Variants in USP6 observed in about 807,000 individuals in gnomAD.
USP6 encodes ubiquitin specific peptidase 6, also known as ubiquitin carboxyl-terminal hydrolase 6.
Under a neutral mutation model 175.7 loss-of-function variants are expected in USP6, and 128 were observed. The observed-to-expected ratio is 0.73, with a 90% CI of 0.63 to 0.84. USP6 has a LOEUF of 0.84. USP6 is among the 40% of genes least tolerant of loss of function. The probability of loss-of-function intolerance (pLI) is 0.00; values close to 1 mark genes in which losing one functional copy is unlikely to be tolerated. For synonymous variants in USP6, 562 were observed against 630.6 expected, an observed-to-expected ratio of 0.89 and a Z score of 1.63; for missense variants, 1,498 against 1,760.3, an observed-to-expected ratio of 0.85 and a Z score of 2.67.
rs748820301 is a variant in USP6, at chr17:5,168,825, T to C, written c.3287T>C (p.Ile1096Thr). ...GATCAGTGGATAAAATCACAGAAAA[T>C]TGTCAGATTTCTTCGGGAAAGTTTT... is the stretch of plus-strand genomic sequence containing the variant. ...VNDQWIKSQK[I>T]VRFLRESFDP... The change falls in exon 35 of 38, where the codon ATT (isoleucine) becomes ACT (threonine). Residue 1096 changes from isoleucine (I) to threonine (T), a missense_variant. Ile to Thr is a moderately conservative substitution (Grantham distance 89). Coordinates refer to ENST00000574788, the MANE Select transcript of USP6 (RefSeq NM_001304284.2). 1 of 1,610,476 alleles carries C rather than the reference T, an allele frequency of 6.2e-7. No individual in the cohort carries two copies. The highest frequency in any genetic ancestry group is 8.5e-7 in the Non-Finnish European group (1 of 1,178,722).
rs1361410628 is a variant in USP6 at position 5,154,861 on chromosome 17, A to G, written c.2644-561A>G. On this transcript the variant is annotated intron_variant, in intron 30 of 37. Transcript: ENST00000574788. ...CAATCCTCCCACCTCAGCCTCCTGT[A>G]TAGGTGGGACTACAGACACATGCCA... 2.0e-5 allele frequency among the ~76,000 whole-genome samples: 3 copies of G among 152,162 alleles called. No homozygotes were observed. The East Asian group carries it at 5.8e-4, about 29-fold the overall frequency.
rs770676210 is a variant in USP6 at position 5,132,224 on chromosome 17, C to T, written c.156-172C>T. 2 of 1,573,098 alleles carry T rather than the reference C, an allele frequency of 1.3e-6. No homozygotes were observed. The highest frequency in any genetic ancestry group is 4.6e-5 in the East Asian group (2 of 43,390). On this transcript the variant is annotated intron_variant, in intron 11 of 37. Coordinates refer to ENST00000574788, the MANE Select transcript of USP6 (RefSeq NM_001304284.2). The surrounding 1 kb of genome is among the most constrained non-coding windows in gnomAD (Gnocchi z 4.7). Reference sequence around the variant, plus strand: ...CCTTCTTCTCCCAGGTCCTGCCCCTCCTGGGAGTCAGAGCCACAGGAAGGC... The same window carrying T: ...CCTTCTTCTCCCAGGTCCTGCCCCTTCTGGGAGTCAGAGCCACAGGAAGGC...
At chr17:5,123,489 C>G (rs2072776484) in intron 4 of USP6, among the ~76,000 whole-genome samples, 2 of 152,140 alleles carry the variant, frequency 1.3e-5, no homozygotes, top group African/African-American at 2.4e-5. Context: ...CACCCGGCAG[C>G]AAACACGCAG....
At chr17:5,158,647 GAGAGAGAGAGAGAGAGAGAGAGAGAT>G in intron 31 of USP6, among the ~76,000 whole-genome samples, 2 of 147,760 alleles carry the variant, frequency 1.4e-5, no homozygotes, top group Non-Finnish European at 3.0e-5. Context: ...GAGAGAGAGA[GAGAGAGAGAGAGAGAGAGAGAGAGAT>G]TGAGAAGAAG....
rs2144204774 is a variant in USP6, at chr17:5,172,814, C to A, written c.4057C>A (p.Pro1353Thr). The change falls in exon 38 of 38, where the codon CCT (proline) becomes ACT (threonine). Residue 1353 changes from proline to threonine, a missense_variant. Transcript: ENST00000574788. ...YNDSSCEELH[P>T]DEIDTDSAYI... ...TTTCTTGCCCTTTCAGGAACTTCAC[C>A]CTGATGAAATTGACACCGACTCTGC... The A allele has an allele frequency of 1.9e-6, 3 of 1,613,288 alleles. No individual in the cohort carries two copies. In the East Asian group the frequency reaches 6.7e-5, roughly 36 times the overall value.
chr17:5,146,501 A>C (rs753769216), intron 28 of USP6, among the ~76,000 whole-genome samples: 27 of 152,156 alleles, frequency 1.8e-4, no homozygotes, highest in Non-Finnish European at 3.1e-4. Context: ...GTTACACTTC[A>C]CAGCTCTTCT....
At chr17:5,168,693 G>T in intron 34 of USP6, 74 bp from the exon 35 acceptor site, 1 of 1,472,368 alleles carries the variant, frequency 6.8e-7, no homozygotes, top group South Asian at 1.4e-5. Flanking sequence ...ACATGTATTT[G>T]ACTTGTTTTT....
At chr17:5,134,020 T>C in intron 15 of USP6, 24 bp downstream of exon 15, 1 of 1,607,758 alleles carries the variant, frequency 6.2e-7, no homozygotes, top group Admixed American at 1.7e-5. Flanking sequence ...AGCCACACAG[T>C]CCCAGCAGAG....
chr17:5,125,025 T>C lies in USP6; in HGVS notation c.-839T>C, dbSNP rs191677360. The stretch of plus-strand genomic sequence containing the variant: ...CAGCCAGCCAGTGAGCAAAGCTTCA[T>C]CTGTAGAAACAGCCACTTCCCATCC... On this transcript the variant is annotated 5_prime_UTR_variant, in exon 5 of 38. Transcript: ENST00000574788. 1.2e-3 allele frequency: 185 copies of C among 152,426 alleles called. 2 individuals are homozygous for C. The highest frequency in any genetic ancestry group is 1.7e-3 in the Non-Finnish European group (118 of 68,090). The allele number at this position is 152,426 out of a possible 1,614,324, so 9.4% of individuals were successfully genotyped here.
In USP6 at chr17:5,116,114, C is replaced by T. The variant is rs914194540; in HGVS notation, c.-2554C>T. On this transcript the variant is annotated 5_prime_UTR_variant, in exon 1 of 38. Transcript: ENST00000574788. ...GCCGCTGTGGGAGCTCGTCTCCAGGCGCCCATCAGTCTTCCCCTCACTCGA... is the reference window on the plus strand; with the variant it reads ...GCCGCTGTGGGAGCTCGTCTCCAGGTGCCCATCAGTCTTCCCCTCACTCGA... Among the ~76,000 whole-genome samples, 1 of 152,208 alleles carries T rather than the reference C, an allele frequency of 6.6e-6. No individual in the cohort carries two copies. Among genetic ancestry groups the T allele is most frequent in the Non-Finnish European group, 1.5e-5 (1 of 68,024 alleles).
chr17:5,145,358 C>T, intron 26 of USP6, 47 bp from the exon 27 acceptor site: 2 of 1,511,064 alleles, frequency 1.3e-6, no homozygotes, highest in South Asian at 1.4e-5. Flanking sequence ...ATAGAAATGC[C>T]TCTCTTTTGG....
At chr17:5,124,000 C>T (rs1418850227) in intron 4 of USP6, among the ~76,000 whole-genome samples, 1 of 152,194 alleles carries the variant, frequency 6.6e-6, no homozygotes, top group Non-Finnish European at 1.5e-5. Context: ...TAACAAGACG[C>T]ACAAACACGC....
Position 5,168,973 on chromosome 17 carries a change from G to C in USP6, c.3435G>C (p.Ala1145=). ...ILAREVKKVD[A]QSSAGKEDML... is the part of the protein sequence containing the mutation. Reference sequence around the variant, plus strand: ...CAAGAGAGGTGAAGAAAGTGGATGCGCAGAGTTCGGCTGGAAAAGAGGACA... The same window carrying C: ...CAAGAGAGGTGAAGAAAGTGGATGCCCAGAGTTCGGCTGGAAAAGAGGACA... Residue 1145 remains alanine, a synonymous_variant, in exon 35 of 38, where the codon GCG becomes GCC. Coordinates refer to ENST00000574788, the MANE Select transcript of USP6 (RefSeq NM_001304284.2). 1 of 1,613,968 alleles carries C rather than the reference G, an allele frequency of 6.2e-7. No individual in the cohort carries two copies. Among genetic ancestry groups the C allele is most frequent in the Non-Finnish European group, 8.5e-7 (1 of 1,179,860 alleles).
chr17:5,138,860 G>A (rs573357788), intron 21 of USP6: 6 of 641,082 alleles, frequency 9.4e-6, no homozygotes, highest in South Asian at 3.4e-5. Flanking sequence ...GGTGACCCAC[G>A]TCCGGGCCCA....
In USP6 at chr17:5,143,689, T is replaced by C. The variant is rs1276036870; in HGVS notation, c.1819-1001T>C. On this transcript the variant is annotated intron_variant, in intron 25 of 37. Transcript: ENST00000574788. Reference sequence around the variant, plus strand: ...CACTTGTTTATCTGCTGACCTTCCCTCCACTATTGTCCCATGACCCTGCCA... The same window carrying C: ...CACTTGTTTATCTGCTGACCTTCCCCCCACTATTGTCCCATGACCCTGCCA... Among the ~76,000 whole-genome samples the C allele has an allele frequency of 7.4e-5, 11 of 149,386 alleles. No homozygotes were observed. In the South Asian group the frequency reaches 2.3e-3, roughly 32 times the overall value.
intron 11 of USP6, among the ~76,000 whole-genome samples, chr17:5,131,192 C>T (rs923013475): frequency 6.6e-6 from 1 of 151,840 alleles, no homozygotes; most frequent in African/African-American, 2.4e-5. Context: ...GGGGCTTTGG[C>T]CCGAAGAGAA....
At chr17:5,146,403 G>C (rs1478902970) in intron 28 of USP6, among the ~76,000 whole-genome samples, 2 of 152,110 alleles carry the variant, frequency 1.3e-5, no homozygotes, top group African/African-American at 2.4e-5. Flanking sequence ...AGGGAAATAT[G>C]TAAGGCTGCC....
intron 36 of USP6, 32 bp downstream of exon 36, chr17:5,170,947 T>C: frequency 1.2e-6 from 2 of 1,601,306 alleles, no homozygotes; most frequent in Non-Finnish European, 1.7e-6. Flanking sequence ...TTTCAGAGAG[T>C]GGTCTGTGTT....
intron 2 of USP6, among the ~76,000 whole-genome samples, chr17:5,119,501 C>T (rs1013179542): frequency 7.2e-5 from 11 of 152,310 alleles, no homozygotes; most frequent in South Asian, 2.1e-4. Context: ...TGGAAGCAAG[C>T]GAGGCTGGGG....
Sources: gnomAD v4.1 joint callset for allele counts (sites outside exome capture counted in the v4.1 genomes callset) on GRCh38, gnomAD v4.1.1 for gene constraint, Gnocchi (gnomAD v3.1) non-coding constraint, MANE v1.5 for transcripts, NCBI Gene and HGNC (gene_info 2026-07-23, HGNC 2026-07-21) for gene names.